The following ADGRV1 variants were observed in gnomAD, a reference collection of about 807,000 sequenced individuals.
The protein encoded by ADGRV1 is G-protein coupled receptor 98.
A neutral mutation model predicts 596.2 loss-of-function variants in ADGRV1; 359 were observed. That is an observed-to-expected ratio of 0.60 (90% confidence interval 0.55 to 0.66). The LOEUF (loss-of-function observed/expected upper bound fraction) is 0.66, where lower values mean the gene tolerates loss of function less well. ADGRV1 is among the 30% of genes least tolerant of loss of function. The probability of loss-of-function intolerance (pLI) is 0.00; values close to 1 mark genes in which losing one functional copy is unlikely to be tolerated. For synonymous variants in ADGRV1, 2,681 were observed against 2,679.2 expected, an observed-to-expected ratio of 1.00 and a Z score of -0.02; for missense variants, 7,274 against 7,575.6, an observed-to-expected ratio of 0.96 and a Z score of 1.48.
intron 85 of ADGRV1, among the ~76,000 whole-genome samples, chr5:91,023,330 G>A (rs888999818): frequency 1.2e-4 from 18 of 152,126 alleles, no homozygotes; most frequent in South Asian, 2.1e-4. Context: ...TTAGGGGTAA[G>A]ATACCAGAGC....
chr5:91,160,740 A>G (rs1197173370), intron 89 of ADGRV1, among the ~76,000 whole-genome samples: 1 of 152,198 alleles, frequency 6.6e-6, no homozygotes, highest in Admixed American at 6.5e-5. Flanking sequence ...AAGGGATGGG[A>G]GACCTGGTTT....
At chr5:90,870,660 A>G (rs1768582239) in intron 83 of ADGRV1, among the ~76,000 whole-genome samples, 1 of 152,188 alleles carries the variant, frequency 6.6e-6, no homozygotes. Context: ...ACCAGACCAC[A>G]CCTGTGAAGT....
At chr5:90,868,518 G>C (rs750426786) in intron 83 of ADGRV1, among the ~76,000 whole-genome samples, 2 of 151,932 alleles carry the variant, frequency 1.3e-5, no homozygotes, top group African/African-American at 2.4e-5. Flanking sequence ...AAACTTCTCA[G>C]TGTTGTTTTG....
intron 86 of ADGRV1, among the ~76,000 whole-genome samples, chr5:91,095,470 T>C (rs778613078): frequency 7.2e-5 from 11 of 152,296 alleles, no homozygotes; most frequent in Non-Finnish European, 1.6e-4. Context: ...CTCATGGTGA[T>C]TTGGCAGTTC....
intron 1 of ADGRV1, among the ~76,000 whole-genome samples, chr5:90,601,527 T>G (rs1761407918): frequency 6.6e-6 from 1 of 152,162 alleles, no homozygotes; most frequent in Non-Finnish European, 1.5e-5. Flanking sequence ...AGATTAAAAA[T>G]GAAATTGATG....
rs76742312 is a variant in ADGRV1 at position 90,561,408 on chromosome 5, A to G, written c.22+2491A>G. 2.1e-3 allele frequency among the ~76,000 whole-genome samples: 313 copies of G among 152,246 alleles called. 3 individuals are homozygous for G. Among genetic ancestry groups the G allele is most frequent in the East Asian group, 0.016 (85 of 5,176 alleles). On this transcript the variant is annotated intron_variant, in intron 1 of 89. Coordinates refer to ENST00000405460, the MANE Select transcript of ADGRV1 (RefSeq NM_032119.4). ...AGTCACCTATACATTCTCATAAACT[A>G]TTAGGTAAGAAGTATCCTAATGGGT...
intron 83 of ADGRV1, among the ~76,000 whole-genome samples, chr5:90,904,607 A>G (rs896537881): frequency 6.6e-6 from 1 of 151,386 alleles, no homozygotes; most frequent in African/African-American, 2.4e-5. Flanking sequence ...TTTTTTTTCT[A>G]GAGAGTTGTG....
chr5:90,591,858 T>G (rs57847927), intron 1 of ADGRV1, among the ~76,000 whole-genome samples: 2,876 of 152,356 alleles, frequency 0.019, 80 homozygotes, highest in African/African-American at 0.065. Context: ...TTACATACAT[T>G]ATTTCAGTGA....
In ADGRV1 at chr5:90,711,015, T is replaced by C. The variant is rs529922082; in HGVS notation, c.8859T>C (p.Asp2953=). The change falls in exon 40 of 90, where the codon GAT becomes GAC. Residue 2953 remains aspartate (D), a synonymous_variant. Transcript: ENST00000405460. ...GTTTGACTGCACAAGTTATTATTGA[T>C]GCCAATGATGGGGCCCGAGGTGTAA... ...SEGLTAQVII[D]ANDGARGVIE... is the part of the protein sequence containing the mutation. 1.2e-6 allele frequency: 2 copies of C among 1,611,290 alleles called. No individual in the cohort carries two copies. The highest frequency in any genetic ancestry group is 4.5e-5 in the East Asian group (2 of 44,824).
At chr5:90,945,864 G>A (rs1776531318) in intron 83 of ADGRV1, among the ~76,000 whole-genome samples, 1 of 152,036 alleles carries the variant, frequency 6.6e-6, no homozygotes, top group African/African-American at 2.4e-5. Flanking sequence ...TGTAGTCCCA[G>A]CTACTCTGGA....
intron 83 of ADGRV1, among the ~76,000 whole-genome samples, chr5:90,878,768 CA>C (rs1381605739): frequency 6.6e-6 from 1 of 152,094 alleles, no homozygotes; most frequent in African/African-American, 2.4e-5. Flanking sequence ...GAAAGGAGGG[CA>C]AATCAAGGAG....
intron 85 of ADGRV1, among the ~76,000 whole-genome samples, chr5:91,049,474 T>C (rs1170031703): frequency 3.9e-5 from 6 of 152,250 alleles, no homozygotes; most frequent in Non-Finnish European, 8.8e-5. Context: ...TATGGTGATC[T>C]ACTTGGAACA....
intron 85 of ADGRV1, among the ~76,000 whole-genome samples, chr5:90,993,154 CTTTTTTTTTTT>C (rs1235025923): frequency 1.0e-5 from 1 of 97,640 alleles, no homozygotes; most frequent in Non-Finnish European, 2.0e-5. Flanking sequence ...TTGGTTTTCA[CTTTTTTTTTTT>C]TTTTTTTTTT....
At chr5:90,989,345 C>G (rs547621271) in intron 85 of ADGRV1, among the ~76,000 whole-genome samples, 9 of 152,188 alleles carry the variant, frequency 5.9e-5, no homozygotes, top group Non-Finnish European at 8.8e-5. Context: ...CCCACATTCT[C>G]TATGAAATGT....
chr5:90,847,606 C>G (rs1401582031), intron 78 of ADGRV1, among the ~76,000 whole-genome samples: 1 of 152,184 alleles, frequency 6.6e-6, no homozygotes, highest in African/African-American at 2.4e-5. Context: ...CTCAGGAGCC[C>G]ACGGTGGTGG....
chr5:90,821,213 C>T (rs1473638830), intron 75 of ADGRV1, among the ~76,000 whole-genome samples: 1 of 150,198 alleles, frequency 6.7e-6, no homozygotes, highest in Non-Finnish European at 1.5e-5. Flanking sequence ...CGCATCGGCT[C>T]CTGAGGCTTC....
At chr5:90,719,475 C>T (rs907228316) in intron 43 of ADGRV1, among the ~76,000 whole-genome samples, 1 of 152,152 alleles carries the variant, frequency 6.6e-6, no homozygotes, top group Admixed American at 6.5e-5. Context: ...GGTTCTTGAG[C>T]TTCATATAAA....
Position 91,163,038 on chromosome 5 carries a change from T to C in ADGRV1, c.18803-744T>C, listed in dbSNP as rs944127315. ...AACGTTATTACAAAAGAAAAGAACA[T>C]TGTTCTCTAGAAATATGAAAGAAAA... On this transcript the variant is annotated intron_variant, in intron 89 of 89. Transcript: ENST00000405460. 5.9e-5 allele frequency among the ~76,000 whole-genome samples: 9 copies of C among 152,144 alleles called. No individual in the cohort carries two copies. In the East Asian group the frequency reaches 1.7e-3, roughly 29 times the overall value.
intron 89 of ADGRV1, among the ~76,000 whole-genome samples, chr5:91,159,700 T>G (rs906421725): frequency 4.8e-5 from 7 of 145,630 alleles, no homozygotes; most frequent in African/African-American, 1.3e-4. Flanking sequence ...TTATTATTAG[T>G]TTTTTTTTTT....
Sources: gnomAD v4.1 joint callset for allele counts (sites outside exome capture counted in the v4.1 genomes callset) on GRCh38, gnomAD v4.1.1 for gene constraint, MANE v1.5 for transcripts, NCBI Gene and HGNC (gene_info 2026-07-23, HGNC 2026-07-21) for gene names.